TRHDE: variants seen among roughly 807,000 people sequenced by gnomAD.
TRHDE encodes the protein thyrotropin releasing hormone degrading enzyme, also known as thyrotropin-releasing hormone-degrading ectoenzyme.
In TRHDE, 72 loss-of-function variants were observed where a neutral mutation model predicts 125.7. The ratio of observed to expected loss-of-function variants is 0.57; its 90% confidence interval spans 0.47 to 0.70. The LOEUF (loss-of-function observed/expected upper bound fraction) is 0.70, where lower values mean the gene tolerates loss of function less well. TRHDE is among the 30% of genes least tolerant of loss of function. The pLI is 0.00. For synonymous variants in TRHDE, 509 were observed against 509.1 expected (o/e 1.00, Z 0.00); for missense variants, 1,110 against 1,327.1 (o/e 0.84, Z 2.54).
intron 2 of TRHDE, among the ~76,000 whole-genome samples, chr12:72,230,534 T>C (rs944992227): frequency 1.7e-4 from 26 of 152,144 alleles, no homozygotes; most frequent in African/African-American, 6.0e-4. Context: ...TTCAGCCACA[T>C]ACCCAAAATA....
At chr12:72,646,641 G>A (rs1408775166) in intron 15 of TRHDE, among the ~76,000 whole-genome samples, 1 of 151,930 alleles carries the variant, frequency 6.6e-6, no homozygotes, top group Admixed American at 6.6e-5. Flanking sequence ...GATGGAAAAA[G>A]ATACTCTTTG....
At chr12:72,467,059 T>G (rs1876411552) in intron 3 of TRHDE, among the ~76,000 whole-genome samples, 1 of 152,232 alleles carries the variant, frequency 6.6e-6, no homozygotes, top group Admixed American at 6.5e-5. Flanking sequence ...AGATTACCTG[T>G]TTCTGCCCGT....
At chr12:72,215,011 T>C (rs1209561123) in intron 2 of TRHDE, among the ~76,000 whole-genome samples, 1 of 152,192 alleles carries the variant, frequency 6.6e-6, no homozygotes, top group African/African-American at 2.4e-5. Flanking sequence ...GTGCATTGCA[T>C]GTGGTCCGTG....
intron 12 of TRHDE, among the ~76,000 whole-genome samples, chr12:72,606,176 GGGAT>G (rs1227281688): frequency 1.3e-5 from 2 of 152,176 alleles, no homozygotes; most frequent in African/African-American, 4.8e-5. Flanking sequence ...ACTTGTATGT[GGGAT>G]TCTCATCACT....
rs1470809641 is a variant in TRHDE, at chr12:72,666,583, A to AT, written c.*3392dup. On this transcript the variant is annotated 3_prime_UTR_variant, in exon 19 of 19. Transcript: ENST00000261180. ...AAATAAAATCACAATGTTTGTTGTT[A>AT]TTTTGGGAACCAATATAACAACCTA... is the stretch of plus-strand genomic sequence containing the variant. 6.6e-6 allele frequency: 1 copy of AT among 152,042 alleles called. No individual in the cohort carries two copies. Among genetic ancestry groups the AT allele is most frequent in the Non-Finnish European group, 1.5e-5 (1 of 67,972 alleles). The allele number at this position is 152,042 out of a possible 1,614,324, so 9.4% of individuals were successfully genotyped here.
At chr12:72,586,601 A>G (rs1871448890) in intron 12 of TRHDE, among the ~76,000 whole-genome samples, 1 of 152,180 alleles carries the variant, frequency 6.6e-6, no homozygotes, top group Non-Finnish European at 1.5e-5. Context: ...GTGAACTCAG[A>G]TCACATTTGA....
chr12:72,596,676 T>C (rs1185212961), intron 12 of TRHDE, among the ~76,000 whole-genome samples: 1 of 152,150 alleles, frequency 6.6e-6, no homozygotes, highest in East Asian at 1.9e-4. Context: ...ACCTTTGATC[T>C]AGAAGGAGAC....
chr12:72,226,268 A>G (rs1878126294), intron 2 of TRHDE, among the ~76,000 whole-genome samples: 1 of 152,172 alleles, frequency 6.6e-6, no homozygotes, highest in South Asian at 2.1e-4. Context: ...ATTTGATATA[A>G]AAAGGAAACA....
chr12:72,304,488 GCTTCA>G (rs1489239341), intron 2 of TRHDE, among the ~76,000 whole-genome samples: 3 of 152,138 alleles, frequency 2.0e-5, no homozygotes, highest in Non-Finnish European at 4.4e-5. Context: ...GCCAGGGCAA[GCTTCA>G]CAGGAAATCT....
At chr12:72,322,054 C>T (rs1869120861) in intron 2 of TRHDE, among the ~76,000 whole-genome samples, 1 of 152,136 alleles carries the variant, frequency 6.6e-6, no homozygotes, top group African/African-American at 2.4e-5. Context: ...TCATTCTTCA[C>T]AGATTTCTTA....
At chr12:72,463,528 T>C (rs1489054068) in intron 3 of TRHDE, among the ~76,000 whole-genome samples, 1 of 152,128 alleles carries the variant, frequency 6.6e-6, no homozygotes, top group African/African-American at 2.4e-5. Flanking sequence ...TTGATAACTA[T>C]CTGAGGTCAC....
chr12:72,440,967 A>G (rs1026678301), intron 3 of TRHDE, among the ~76,000 whole-genome samples: 12 of 151,896 alleles, frequency 7.9e-5, no homozygotes, highest in African/African-American at 2.4e-4. Context: ...TCAATAAACA[A>G]TACACACTTG....
intron 5 of TRHDE, among the ~76,000 whole-genome samples, chr12:72,489,581 CT>C (rs1385216565): frequency 6.6e-6 from 1 of 151,722 alleles, no homozygotes; most frequent in African/African-American, 2.4e-5. Context: ...ATCACACTTC[CT>C]GATTTAAAAT....
chr12:72,186,781 C>CTT (rs199825088), intron 2 of TRHDE, among the ~76,000 whole-genome samples: 2 of 147,308 alleles, frequency 1.4e-5, no homozygotes, highest in South Asian at 4.4e-4. Context: ...AGACATGGAT[C>CTT]TTTTTTTTTT....
chr12:72,556,001 A>G (rs149646102), intron 7 of TRHDE, among the ~76,000 whole-genome samples: 18 of 152,286 alleles, frequency 1.2e-4, no homozygotes, highest in African/African-American at 4.3e-4. Context: ...CCCCCAGTCT[A>G]TAGAACCTTC....
chr12:72,410,582 G>A (rs1873453099), intron 3 of TRHDE, among the ~76,000 whole-genome samples: 1 of 151,992 alleles, frequency 6.6e-6, no homozygotes, highest in Admixed American at 6.6e-5. Flanking sequence ...AAATCAATCA[G>A]TATAAATTAG....
chr12:72,498,367 C>A (rs1272342189), intron 5 of TRHDE, among the ~76,000 whole-genome samples: 2 of 152,086 alleles, frequency 1.3e-5, no homozygotes, highest in Admixed American at 6.6e-5. Flanking sequence ...GATTGGTGCA[C>A]TCTTAGCTTG....
chr12:72,151,370 C>G (rs966052178), intron 2 of TRHDE, among the ~76,000 whole-genome samples: 1 of 152,096 alleles, frequency 6.6e-6, no homozygotes, highest in African/African-American at 2.4e-5. Flanking sequence ...ATGGTAGTTT[C>G]TTTTGCTGTG....
chr12:72,467,552 C>T (rs552253641), intron 3 of TRHDE, among the ~76,000 whole-genome samples: 3 of 152,312 alleles, frequency 2.0e-5, no homozygotes, highest in African/African-American at 7.2e-5. Flanking sequence ...CGCGATGGCT[C>T]AGGCCTGTAA....
Sources: gnomAD v4.1 joint callset for allele counts (sites outside exome capture counted in the v4.1 genomes callset) on GRCh38, gnomAD v4.1.1 for gene constraint, MANE v1.5 for transcripts, NCBI Gene and HGNC (gene_info 2026-07-23, HGNC 2026-07-21) for gene names.